The following COX20 variants were observed in gnomAD, a reference collection of about 807,000 sequenced individuals.
COX20 encodes cytochrome c oxidase assembly factor COX20.
In COX20, 14 loss-of-function variants were observed where a neutral mutation model predicts 14.3. That is an observed-to-expected ratio of 0.98 (90% CI 0.65 to 1.53). The LOEUF is 1.53. Ranked by LOEUF, COX20 falls within the 40% of genes most tolerant of loss-of-function variation. The probability of loss-of-function intolerance (pLI) is 0.00; values close to 1 mark genes in which losing one functional copy is unlikely to be tolerated. For missense variants in COX20, 149 were observed against 142.1 expected (o/e 1.05, Z -0.25); for synonymous variants, 56 against 51.7 (o/e 1.08, Z -0.36).
chr1:244,837,113 A>G (rs968592349), intron 1 of COX20, among the ~76,000 whole-genome samples: 4 of 152,214 alleles, frequency 2.6e-5, no homozygotes, highest in Admixed American at 2.6e-4. Context: ...AATTAAAAAA[A>G]AAAAACTTAA....
At position 244,843,083 on chromosome 1, in the gene COX20, A is replaced by G; in HGVS notation, c.264A>G (p.Glu88=). Residue 88 remains glutamate (E), a synonymous_variant, in exon 4 of 4, where the codon GAA becomes GAG. Transcript: ENST00000411948. ...RYNYAKQRIQ[E]RIAREEIKKK... ...ATTATGCAAAGCAAAGAATCCAGGA[A>G]AGAATTGCCAGAGAAGAAATTAAAA... The G allele has an allele frequency of 6.3e-7, 1 of 1,594,324 alleles. No homozygotes were observed. Among genetic ancestry groups the G allele is most frequent in the Non-Finnish European group, 8.5e-7 (1 of 1,172,788 alleles).
chr1:244,835,732 G>A lies in COX20; in HGVS notation c.18G>A (p.Glu6=), dbSNP rs768432039. 12 of 1,271,918 alleles carry A rather than the reference G, an allele frequency of 9.4e-6. No individual in the cohort carries two copies. In the South Asian group the frequency reaches 2.0e-4, roughly 21 times the overall value. The allele number at this position is 1,271,918 out of a possible 1,614,324, so 78.8% of individuals were successfully genotyped here. The change falls in exon 1 of 4, where the codon GAG becomes GAA. Residue 6 remains glutamate, a synonymous_variant. Transcript: ENST00000411948. ...TAGTCCTCATGGCCGCCCCGCCGGA[G>A]CCCGGTGAGCCCGAGGAGAGGAAGG... is the stretch of plus-strand genomic sequence containing the variant. MAAPP[E]PGEPEERKSL...
chr1:244,840,830 T>TA (rs1467770659), intron 1 of COX20: 6 of 152,212 alleles, frequency 3.9e-5, no homozygotes, highest in African/African-American at 1.2e-4. Flanking sequence ...TACAATATAT[T>TA]ACCTTCTAGG....
At chr1:244,836,129 T>A (rs562468920) in intron 1 of COX20, among the ~76,000 whole-genome samples, 1 of 152,352 alleles carries the variant, frequency 6.6e-6, no homozygotes, top group East Asian at 1.9e-4. Context: ...GCCTTGTCTT[T>A]AACACGTTGT....
At chr1:244,842,826 T>C (rs976924054) in intron 3 of COX20, 13 of 388,896 alleles carry the variant, frequency 3.3e-5, no homozygotes, top group Non-Finnish European at 5.1e-5. Flanking sequence ...CAAATTGTTA[T>C]GTAGACATCC....
rs10927335 is a variant in COX20 at position 244,842,071 on chromosome 1, A to G, written c.157+13A>G. On this transcript the variant is annotated intron_variant, in intron 2 of 3. Coordinates refer to ENST00000411948, the MANE Select transcript of COX20 (RefSeq NM_198076.6). Reference sequence around the variant, plus strand: ...TTTTTGTTCACTAGTGAGTATCTGTATTTTTTATTTCTCTATGTACTAAAA... The same window carrying G: ...TTTTTGTTCACTAGTGAGTATCTGTGTTTTTTATTTCTCTATGTACTAAAA... 0.17 allele frequency: 266,490 copies of G among 1,570,670 alleles called. 26,487 individuals carry two copies. Among genetic ancestry groups the G allele is most frequent in the African/African-American group, 0.41 (30,319 of 73,550 alleles).
Position 244,843,109 on chromosome 1 carries a change from A to G in COX20, c.290A>G (p.Lys97Arg), listed in dbSNP as rs1219238040. 8.1e-6 allele frequency: 13 copies of G among 1,599,128 alleles called. No homozygotes were observed. The East Asian group carries it at 2.7e-4, about 33-fold the overall frequency. ...QERIAREEIK[K>R]KILYEGTHLD... ...AGAATTGCCAGAGAAGAAATTAAAAAGAAGATATTATATGAAGGTACCCAC... is the reference window on the plus strand; with the variant it reads ...AGAATTGCCAGAGAAGAAATTAAAAGGAAGATATTATATGAAGGTACCCAC... The change falls in exon 4 of 4, where the codon AAG (lysine) becomes AGG (arginine). Residue 97 changes from lysine to arginine, a missense_variant. Transcript: ENST00000411948.
Position 244,835,721 on chromosome 1 carries a change from G to C in COX20, c.7G>C (p.Ala3Pro). Residue 3 changes from alanine (A) to proline (P), a missense_variant, in exon 1 of 4, where the codon GCC becomes CCC. Ala to Pro is a conservative substitution (Grantham distance 27). Transcript: ENST00000411948. ...GAGTCGCGGAGTAGTCCTCATGGCCGCCCCGCCGGAGCCCGGTGAGCCCGA... is the reference window on the plus strand; with the variant it reads ...GAGTCGCGGAGTAGTCCTCATGGCCCCCCCGCCGGAGCCCGGTGAGCCCGA... MA[A>P]PPEPGEPEER... The C allele has an allele frequency of 1.6e-6, 2 of 1,267,238 alleles. No individual in the cohort carries two copies. 78.5% of individuals were successfully genotyped at this position (1,267,238 alleles called of 1,614,324 possible).
At chr1:244,838,368 A>G (rs1328201479) in intron 1 of COX20, among the ~76,000 whole-genome samples, 2 of 152,188 alleles carry the variant, frequency 1.3e-5, no homozygotes, top group African/African-American at 4.8e-5. Flanking sequence ...TGATTTAGAA[A>G]TCTGGAGTCA....
chr1:244,843,426 A>G lies in COX20; in HGVS notation c.*250A>G, dbSNP rs535219307. 7.8e-5 allele frequency: 33 copies of G among 424,912 alleles called. No homozygotes were observed. The highest frequency in any genetic ancestry group is 1.3e-4 in the Non-Finnish European group (31 of 237,416). 26.3% of individuals were successfully genotyped at this position (424,912 alleles called of 1,614,324 possible). A position where few individuals can be genotyped will look rare whatever the true frequency, so the allele number is the denominator to read the frequency against. ...GAACAGAATTTATTGGCAGTGTGGCAAAGAATTATAAAACATAGTGTTTAA... is the reference window on the plus strand; with the variant it reads ...GAACAGAATTTATTGGCAGTGTGGCGAAGAATTATAAAACATAGTGTTTAA... On this transcript the variant is annotated 3_prime_UTR_variant, in exon 4 of 4. Transcript: ENST00000411948.
chr1:244,839,799 G>A (rs1308180160), intron 1 of COX20: 2 of 152,200 alleles, frequency 1.3e-5, no homozygotes, highest in African/African-American at 4.8e-5. Flanking sequence ...ACTTCTTAAT[G>A]ATGTGGTTTG....
rs1680220156 is a variant in COX20, at chr1:244,842,005, T to C, written c.104T>C (p.Leu35Ser). 1.2e-6 allele frequency: 2 copies of C among 1,612,528 alleles called. No individual in the cohort carries two copies. The highest frequency in any genetic ancestry group is 8.5e-7 in the Non-Finnish European group (1 of 1,178,826). Residue 35 changes from leucine to serine, a missense_variant, in exon 2 of 4, where the codon TTG becomes TCG. Coordinates refer to ENST00000411948, the MANE Select transcript of COX20 (RefSeq NM_198076.6). The stretch of plus-strand genomic sequence containing the variant: ...ACTCCCTGCGCCCGGCATTCAATAT[T>C]GTATGGTTCATTAGGATCTGTTGTG... ...ENTPCARHSI[L>S]YGSLGSVVAG...
At chr1:244,842,136 G>A (rs1281163425) in intron 2 of COX20, 59 bp from the exon 3 acceptor site, 6 of 1,455,708 alleles carry the variant, frequency 4.1e-6, no homozygotes, top group South Asian at 2.3e-5. Context: ...TTTTTTCTAG[G>A]TGGAGTAATG....
chr1:244,835,380 G>T, upstream of COX20: 1 of 279,732 alleles, frequency 3.6e-6, no homozygotes, highest in Non-Finnish European at 6.7e-6. Flanking sequence ...CGCGGGAAGC[G>T]GGGCTGTCTG....
intron 3 of COX20, chr1:244,842,562 G>A (rs186963561): frequency 3.1e-4 from 109 of 346,690 alleles, no homozygotes; most frequent in African/African-American, 2.2e-3. Context: ...CTTTAAGAAT[G>A]TGTTTACAAC....
At chr1:244,835,372 C>T (rs1364421386), upstream of COX20, 6 of 262,842 alleles carry the variant, frequency 2.3e-5, no homozygotes, top group Admixed American at 5.5e-5. Context: ...GGGGCTGGCG[C>T]GGGAAGCGGG....
intron 3 of COX20, 65 bp downstream of exon 3, chr1:244,842,323 T>C: frequency 2.6e-6 from 3 of 1,133,274 alleles, no homozygotes; most frequent in Admixed American, 1.7e-5. Flanking sequence ...AAAAAGCACA[T>C]GCTCTTTTCA....
In COX20 at chr1:244,844,333, A is replaced by T. The variant is rs1680339162; in HGVS notation, c.*1157A>T. ...ACCAAATGCCTTAACTTAGCAGTGA[A>T]TGACAACTGTCAAACACATGTTGAG... is the stretch of plus-strand genomic sequence containing the variant. On this transcript the variant is annotated 3_prime_UTR_variant, in exon 4 of 4. Coordinates refer to ENST00000411948, the MANE Select transcript of COX20 (RefSeq NM_198076.6). 1 of 152,224 alleles carries T rather than the reference A, an allele frequency of 6.6e-6. No individual in the cohort carries two copies. The highest frequency in any genetic ancestry group is 2.4e-5 in the African/African-American group (1 of 41,464). 9.4% of individuals were successfully genotyped at this position (152,224 alleles called of 1,614,324 possible).
chr1:244,837,933 C>T (rs111923860), intron 1 of COX20, among the ~76,000 whole-genome samples: 18 of 152,130 alleles, frequency 1.2e-4, no homozygotes, highest in African/African-American at 4.3e-4. Context: ...TTATTATAGT[C>T]ATCTGATACA....
Sources: allele counts gnomAD v4.1 joint callset (sites outside exome capture counted in the v4.1 genomes callset), GRCh38; gene constraint gnomAD v4.1.1; transcripts MANE v1.5; gene names NCBI Gene and HGNC (gene_info 2026-07-23, HGNC 2026-07-21).